Variants in DOCK4 observed in about 807,000 individuals in gnomAD.
DOCK4 encodes dedicator of cytokinesis 4, also known as dedicator of cytokinesis protein 4.
A neutral mutation model predicts 268.1 loss-of-function variants in DOCK4; 97 were observed. The observed-to-expected ratio is 0.36, with a 90% CI of 0.31 to 0.43. DOCK4 has a LOEUF of 0.43. Among genes scored for constraint, DOCK4 ranks in the 20% least tolerant of loss-of-function variants. DOCK4 has a pLI of 1.00. For missense variants in DOCK4, 2,145 were observed against 2,455.7 expected, an observed-to-expected ratio of 0.87 and a Z score of 2.67; for synonymous variants, 954 against 887.2, an observed-to-expected ratio of 1.08 and a Z score of -1.34.
intron 1 of DOCK4, among the ~76,000 whole-genome samples, chr7:112,006,754 G>T (rs184317282): frequency 6.6e-6 from 1 of 152,316 alleles, no homozygotes; most frequent in East Asian, 1.9e-4. Flanking sequence ...AACCAGCCTT[G>T]TCTGTGTAAT....
At position 111,747,416 on chromosome 7, in the gene DOCK4, T is replaced by C. The variant is rs770459587; in HGVS notation, c.4444A>G (p.Ile1482Val). 9.3e-6 allele frequency: 15 copies of C among 1,606,924 alleles called. No individual in the cohort carries two copies. The highest frequency in any genetic ancestry group is 1.3e-5 in the African/African-American group (1 of 74,882). The change falls in exon 43 of 53, where the codon ATT becomes GTT. Residue 1482 changes from isoleucine to valine, a missense_variant. By Grantham distance (29) the Ile-to-Val change is conservative. This residue lies in a region of DOCK4 where 1,598 missense variants were observed against 1,986.7 expected (regional missense o/e 0.80). Coordinates refer to ENST00000428084, the MANE Select transcript of DOCK4 (RefSeq NM_001363540.2). ...TGATTCTTATTTTCTAGCACTTCAATTGCATTTTCCAGAGGACTCATTTCT... is the reference window on the plus strand; with the variant it reads ...TGATTCTTATTTTCTAGCACTTCAACTGCATTTTCCAGAGGACTCATTTCT... ...VVEMSPLENAIEVLENKNQQL... is the reference protein window; with the variant it reads ...VVEMSPLENAVEVLENKNQQL...
chr7:111,771,429 C>A (rs1033621187), intron 36 of DOCK4, among the ~76,000 whole-genome samples: 1 of 152,168 alleles, frequency 6.6e-6, no homozygotes, highest in Non-Finnish European at 1.5e-5. Context: ...TGCATGCACT[C>A]TTGCTGGTCT....
chr7:111,922,785 G>A (rs1255768919), intron 12 of DOCK4, among the ~76,000 whole-genome samples: 1 of 152,000 alleles, frequency 6.6e-6, no homozygotes, highest in Non-Finnish European at 1.5e-5. Context: ...GTTTCACCGT[G>A]TTAGCCAGTA....
chr7:111,895,483 C>T, intron 16 of DOCK4, 129 bp downstream of exon 16: 1 of 816,010 alleles, frequency 1.2e-6, no homozygotes, highest in South Asian at 1.5e-5. Flanking sequence ...AAAAGACATT[C>T]TCCCTGACAG....
intron 8 of DOCK4, among the ~76,000 whole-genome samples, chr7:111,950,456 A>C (rs759947565): frequency 2.6e-5 from 4 of 152,232 alleles, no homozygotes; most frequent in Non-Finnish European, 4.4e-5. Flanking sequence ...CCTAAGTGGA[A>C]GAGAAGTTTA....
intron 25 of DOCK4, among the ~76,000 whole-genome samples, chr7:111,835,263 G>C (rs921174801): frequency 2.6e-5 from 4 of 152,100 alleles, no homozygotes; most frequent in African/African-American, 7.2e-5. Context: ...TCATCAGAGA[G>C]TTGATCTGCT....
At chr7:111,841,635 T>C (rs774395204) in intron 25 of DOCK4, among the ~76,000 whole-genome samples, 2 of 152,120 alleles carry the variant, frequency 1.3e-5, no homozygotes, top group Non-Finnish European at 2.9e-5. Context: ...GTGTGTTTCA[T>C]GGAAAATTTC....
At chr7:112,125,647 C>T (rs1278262143) in intron 1 of DOCK4, among the ~76,000 whole-genome samples, 1 of 152,200 alleles carries the variant, frequency 6.6e-6, no homozygotes, top group African/African-American at 2.4e-5. Context: ...TTATTTAACT[C>T]TCTAAGCCTT....
chr7:111,989,012 C>T lies in DOCK4; in HGVS notation c.464+3G>A. 1 of 1,607,720 alleles carries T rather than the reference C, an allele frequency of 6.2e-7. No individual in the cohort carries two copies. The highest frequency in any genetic ancestry group is 8.5e-7 in the Non-Finnish European group (1 of 1,176,682). On this transcript the variant is annotated splice_donor_region_variant and intron_variant, in intron 6 of 52. Coordinates refer to ENST00000428084, the MANE Select transcript of DOCK4 (RefSeq NM_001363540.2). ...AGGCCGCCCTGTGATGCTCAATACT[C>T]ACTCATTGCCCCAGTCAAGCCGGGC...
chr7:111,876,748 GTTTTTT>G (rs201760586), intron 17 of DOCK4, among the ~76,000 whole-genome samples: 1 of 124,094 alleles, frequency 8.1e-6, no homozygotes, highest in Non-Finnish European at 1.7e-5. Context: ...TGGTATTTTC[GTTTTTT>G]TTTTTTTTTT....
rs757629722 is a variant in DOCK4, at chr7:111,920,939, GAATTTCATAAAATTAA to G, written c.1067-5051_1067-5036del. Among the ~76,000 whole-genome samples, 197 of 151,768 alleles carry G rather than the reference GAATTTCATAAAATTAA, an allele frequency of 1.3e-3. 1 individual carries two copies. The highest frequency in any genetic ancestry group is 0.011 in the South Asian group (55 of 4,804). The stretch of plus-strand genomic sequence containing the variant: ...CAACCTGTAAAATTAGATTAAATCT[GAATTTCATAAAATTAA>G]AATTTCATAAAATTAAAATTTCATA... On this transcript the variant is annotated intron_variant, in intron 12 of 52. Coordinates refer to ENST00000428084, the MANE Select transcript of DOCK4 (RefSeq NM_001363540.2).
chr7:111,969,536 A>T (rs1212026111), intron 8 of DOCK4, among the ~76,000 whole-genome samples: 4 of 152,084 alleles, frequency 2.6e-5, no homozygotes, highest in African/African-American at 9.7e-5. Flanking sequence ...TAAGTGTTTC[A>T]AATTCTCTTG....
chr7:111,779,912 G>C (rs376925726), intron 35 of DOCK4, among the ~76,000 whole-genome samples: 3 of 152,312 alleles, frequency 2.0e-5, no homozygotes, highest in African/African-American at 7.2e-5. Context: ...GGAGACACTT[G>C]AACTACTATT....
intron 1 of DOCK4, among the ~76,000 whole-genome samples, chr7:112,026,814 C>T (rs1250049685): frequency 6.6e-6 from 1 of 152,166 alleles, no homozygotes; most frequent in Non-Finnish European, 1.5e-5. Flanking sequence ...GTTTTCCACT[C>T]CTGCTCTCCA....
intron 42 of DOCK4, among the ~76,000 whole-genome samples, chr7:111,751,886 G>A (rs566826518): frequency 6.6e-6 from 1 of 152,106 alleles, no homozygotes; most frequent in African/African-American, 2.4e-5. Flanking sequence ...TGGAGTAGGA[G>A]GTTGCTAGGA....
intron 1 of DOCK4, among the ~76,000 whole-genome samples, chr7:112,023,071 G>A (rs747599802): frequency 1.3e-5 from 2 of 152,068 alleles, no homozygotes; most frequent in Non-Finnish European, 2.9e-5. Context: ...GGGATTACAG[G>A]TGCCCGCCAC....
chr7:112,158,462 T>C (rs1563141894), intron 1 of DOCK4, among the ~76,000 whole-genome samples: 1 of 152,190 alleles, frequency 6.6e-6, no homozygotes, highest in Non-Finnish European at 1.5e-5. Flanking sequence ...AAATAGTCCT[T>C]GGAATTCCAA....
chr7:112,097,086 GA>G (rs1409778097), intron 1 of DOCK4, among the ~76,000 whole-genome samples: 1 of 152,180 alleles, frequency 6.6e-6, no homozygotes, highest in Non-Finnish European at 1.5e-5. Flanking sequence ...CAGGAAAAGA[GA>G]AGAAACTAAG....
At chr7:112,022,406 C>T (rs1445278381) in intron 1 of DOCK4, among the ~76,000 whole-genome samples, 1 of 152,190 alleles carries the variant, frequency 6.6e-6, no homozygotes. Context: ...AGGGTTCCGC[C>T]CCTGACCAGC....
Sources: allele counts gnomAD v4.1 joint callset (sites outside exome capture counted in the v4.1 genomes callset), GRCh38; gene constraint gnomAD v4.1.1; regional missense constraint gnomAD v4.1.1; transcripts MANE v1.5; gene names NCBI Gene and HGNC (gene_info 2026-07-23, HGNC 2026-07-21).